ESS2: variants seen among roughly 807,000 people sequenced by gnomAD.
The protein encoded by ESS2 is splicing factor ESS-2 homolog.
Under a neutral mutation model 52.0 loss-of-function variants are expected in ESS2, and 31 were observed. That is an observed-to-expected ratio of 0.60 (90% confidence interval 0.45 to 0.81). The LOEUF (loss-of-function observed/expected upper bound fraction) is 0.81, where lower values mean the gene tolerates loss of function less well. ESS2 is among the 30% of genes least tolerant of loss of function. The pLI is 0.00. For synonymous variants in ESS2, 285 were observed against 259.2 expected (o/e 1.10, Z -0.95); for missense variants, 602 against 637.2 (o/e 0.94, Z 0.59).
At position 19,134,064 on chromosome 22, in the gene ESS2, T is replaced by G. The variant is rs1485758142; in HGVS notation, c.*132A>C. 8.8e-7 allele frequency: 1 copy of G among 1,135,774 alleles called. No individual in the cohort carries two copies. Among genetic ancestry groups the G allele is most frequent in the Non-Finnish European group, 1.1e-6 (1 of 874,912 alleles). 70.4% of individuals were successfully genotyped at this position (1,135,774 alleles called of 1,614,324 possible). A position where few individuals can be genotyped will look rare whatever the true frequency, so the allele number is the denominator to read the frequency against. On this transcript the variant is annotated 3_prime_UTR_variant, in exon 10 of 10. Transcript: ENST00000252137. ...GTCTGGCCCCAGCACAGCCCCTTTC[T>G]CCAGTGACTCCTGGTATGGTCAACA...
At chr22:19,142,439 T>C (rs1271496181) in intron 3 of ESS2, 99 bp downstream of exon 3, 1 of 1,064,690 alleles carries the variant, frequency 9.4e-7, no homozygotes, top group East Asian at 2.5e-5. Context: ...AGGAACAAGA[T>C]GTGGCCTGCA....
Position 19,131,357 on chromosome 22 carries a change from C to CG in ESS2, c.*2838dup, listed in dbSNP as rs750547740. 2.6e-6 allele frequency: 4 copies of CG among 1,514,068 alleles called. No homozygotes were observed. The highest frequency in any genetic ancestry group is 2.3e-5 in the East Asian group (1 of 44,274). The allele number at this position is 1,514,068 out of a possible 1,614,324, so 93.8% of individuals were successfully genotyped here. A position where few individuals can be genotyped will look rare whatever the true frequency, so the allele number is the denominator to read the frequency against. The stretch of plus-strand genomic sequence containing the variant: ...GGACAATGCCTGCTGGCCCACATGA[C>CG]GGGGGGATGTAGACGGCAGCGGCGC... On this transcript the variant is annotated 3_prime_UTR_variant, in exon 10 of 10. Coordinates refer to ENST00000252137, the MANE Select transcript of ESS2 (RefSeq NM_022719.3). The surrounding 1 kb of genome is among the most constrained non-coding windows in gnomAD (Gnocchi z 5.7).
Position 19,138,214 on chromosome 22 carries a change from C to T in ESS2, c.925+1G>A. On this transcript the variant is annotated splice_donor_variant, in intron 7 of 9. Coordinates refer to ENST00000252137, the MANE Select transcript of ESS2 (RefSeq NM_022719.3). LOFTEE classifies it high-confidence loss of function. The stretch of plus-strand genomic sequence containing the variant: ...CACTTGCCAGTGGGCACTTTTCTCA[C>T]CAGGGGCAGGGGAAGGAGTGGCAAC... 1 of 1,614,012 alleles carries T rather than the reference C, an allele frequency of 6.2e-7. No homozygotes were observed. The highest frequency in any genetic ancestry group is 8.5e-7 in the Non-Finnish European group (1 of 1,179,978).
chr22:19,141,160 GC>G (rs1478579577), intron 3 of ESS2, among the ~76,000 whole-genome samples: 1 of 150,974 alleles, frequency 6.6e-6, no homozygotes, highest in Admixed American at 6.6e-5. Flanking sequence ...TCTACAAATT[GC>G]CCTGTGATGC....
In ESS2 at chr22:19,143,951, C is replaced by G. The variant is rs528295837; in HGVS notation, c.135+555G>C. On this transcript the variant is annotated intron_variant, in intron 1 of 9. Transcript: ENST00000252137. ...TCCCAAGTCTGCACCTCCAGCCAGA[C>G]CTTGCTCCCGAGCTGCATATCTGGG... The G allele has an allele frequency of 5.3e-6, 4 of 755,280 alleles. No homozygotes were observed. The East Asian group carries it at 3.9e-4, about 73-fold the overall frequency. The allele number at this position is 755,280 out of a possible 1,614,324, so 46.8% of individuals were successfully genotyped here.
At chr22:19,139,561 A>ACCTC in intron 5 of ESS2, 51 bp downstream of exon 5, 1 of 1,545,688 alleles carries the variant, frequency 6.5e-7, no homozygotes, top group Non-Finnish European at 8.9e-7. Context: ...AGCCAGACAC[A>ACCTC]CACAGCTCTA....
At position 19,144,541 on chromosome 22, in the gene ESS2, T is replaced by G; in HGVS notation, c.100A>C (p.Lys34Gln). 2 of 1,609,514 alleles carry G rather than the reference T, an allele frequency of 1.2e-6. No individual in the cohort carries two copies. Among genetic ancestry groups the G allele is most frequent in the South Asian group, 2.2e-5 (2 of 90,998 alleles). The change falls in exon 1 of 10, where the codon AAG (lysine) becomes CAG (glutamine). Residue 34 changes from lysine (K) to glutamine (Q), a missense_variant. By Grantham distance (53) the Lys-to-Gln change is moderately conservative. Coordinates refer to ENST00000252137, the MANE Select transcript of ESS2 (RefSeq NM_022719.3). ...EAGEAGAATSKQRVLDEEEYI... is the reference protein window; with the variant it reads ...EAGEAGAATSQQRVLDEEEYI... ...TCTTCCTCGTCCAGGACCCGCTGCT[T>G]GCTCGTCGCAGCCCCAGCCTCTCCC...
At chr22:19,142,366 A>T (rs1303095511) in intron 3 of ESS2, among the ~76,000 whole-genome samples, 172 bp downstream of exon 3, 6 of 152,220 alleles carry the variant, frequency 3.9e-5, no homozygotes, top group African/African-American at 1.4e-4. Context: ...CTGGACCCAG[A>T]TGTTCTACCA....
At chr22:19,136,622 C>T (rs969072932) in intron 8 of ESS2, among the ~76,000 whole-genome samples, 6 of 152,164 alleles carry the variant, frequency 3.9e-5, no homozygotes, top group Admixed American at 1.3e-4. Context: ...GAAGCAGTGG[C>T]AGGCATACCT....
rs1279235557 is a variant in ESS2 at position 19,142,727 on chromosome 22, G to A, written c.303C>T (p.Pro101=). ...LGKMSREPPP[P]YVTPATFETP... ...CCGCCACCCACAGGGTCCTCATACAGGGTGGCGGGGGCTCCCGGGACATCT... is the reference window on the plus strand; with the variant it reads ...CCGCCACCCACAGGGTCCTCATACAAGGTGGCGGGGGCTCCCGGGACATCT... The change falls in exon 2 of 10, where the codon CCC becomes CCT. Residue 101 remains proline (P), a splice_region_variant and synonymous_variant. Coordinates refer to ENST00000252137, the MANE Select transcript of ESS2 (RefSeq NM_022719.3). The A allele has an allele frequency of 1.9e-6, 3 of 1,613,670 alleles. No homozygotes were observed. Among genetic ancestry groups the A allele is most frequent in the Non-Finnish European group, 2.5e-6 (3 of 1,179,752 alleles).
chr22:19,131,642 C>T lies in ESS2; in HGVS notation c.*2554G>A. 6.2e-7 allele frequency: 1 copy of T among 1,614,090 alleles called. No homozygotes were observed. Among genetic ancestry groups the T allele is most frequent in the Non-Finnish European group, 8.5e-7 (1 of 1,180,038 alleles). ...TCAAGACTTACGAGATCTTTGAGAC[C>T]TCTGACGGACGGATCTACATCATCA... On this transcript the variant is annotated 3_prime_UTR_variant, in exon 10 of 10. Coordinates refer to ENST00000252137, the MANE Select transcript of ESS2 (RefSeq NM_022719.3). This position sits in a 1 kb window ranked among gnomAD's most constrained non-coding sequence, Gnocchi z 5.7.
At chr22:19,144,188 C>G in intron 1 of ESS2, 3 of 1,120,738 alleles carry the variant, frequency 2.7e-6, no homozygotes. Flanking sequence ...GCTGCCACCG[C>G]TCTTTAGAAA....
chr22:19,142,933 G>A (rs1184416548), intron 1 of ESS2, 39 bp from the exon 2 acceptor site: 14 of 1,586,038 alleles, frequency 8.8e-6, no homozygotes, highest in African/African-American at 5.4e-5. Context: ...GAGGCCAGGC[G>A]CGGTGGCTCA....
At position 19,139,141 on chromosome 22, in the gene ESS2, G is replaced by C; in HGVS notation, c.822+18C>G. On this transcript the variant is annotated intron_variant, in intron 6 of 9. Transcript: ENST00000252137. ...TGTCCAACCTGGCCCATGCGGCCCT[G>C]CTGACCCGCCTGCTCACCTGGGCAT... 6.4e-7 allele frequency: 1 copy of C among 1,572,586 alleles called. No individual in the cohort carries two copies. Among genetic ancestry groups the C allele is most frequent in the Non-Finnish European group, 8.6e-7 (1 of 1,159,716 alleles).
chr22:19,135,246 G>T, intron 8 of ESS2, 71 bp from the exon 9 acceptor site: 2 of 1,289,424 alleles, frequency 1.6e-6, no homozygotes, highest in South Asian at 1.3e-5. Context: ...CACACAGAAA[G>T]CCACTGTGGT....
intron 5 of ESS2, 95 bp downstream of exon 5, chr22:19,139,517 C>T (rs564863946): frequency 4.3e-5 from 57 of 1,324,852 alleles, no homozygotes; most frequent in African/African-American, 2.4e-4. Context: ...CAAGGGGGCA[C>T]GGCCATACAC....
Position 19,132,116 on chromosome 22 carries a change from G to C in ESS2, c.*2080C>G, listed in dbSNP as rs562456158. 9 of 1,612,714 alleles carry C rather than the reference G, an allele frequency of 5.6e-6. No homozygotes were observed. The highest frequency in any genetic ancestry group is 7.6e-6 in the Non-Finnish European group (9 of 1,178,960). ...ACCGTGTGGACTTCCCGCGCTCCAA[G>C]AACCTGACCTGCGAGTGCAAGGACC... On this transcript the variant is annotated 3_prime_UTR_variant, in exon 10 of 10. Transcript: ENST00000252137. The surrounding 1 kb of genome is among the most constrained non-coding windows in gnomAD (Gnocchi z 4.2).
rs1036775298 is a variant in ESS2, at chr22:19,131,312, G to A, written c.*2884C>T. 15 of 1,220,246 alleles carry A rather than the reference G, an allele frequency of 1.2e-5. No homozygotes were observed. Among genetic ancestry groups the A allele is most frequent in the Admixed American group, 9.0e-5 (4 of 44,566 alleles). The allele number at this position is 1,220,246 out of a possible 1,614,324, so 75.6% of individuals were successfully genotyped here. A position where few individuals can be genotyped will look rare whatever the true frequency, so the allele number is the denominator to read the frequency against. ...CCAGCCCAGGGCAGCCCAGCCAGAC[G>A]CCTCCGGTAGTGTAAATGAGGACAA... On this transcript the variant is annotated 3_prime_UTR_variant, in exon 10 of 10. Coordinates refer to ENST00000252137, the MANE Select transcript of ESS2 (RefSeq NM_022719.3). This position sits in a 1 kb window ranked among gnomAD's most constrained non-coding sequence, Gnocchi z 5.7.
intron 3 of ESS2, among the ~76,000 whole-genome samples, chr22:19,140,900 T>C (rs562957650): frequency 1.3e-5 from 2 of 152,344 alleles, no homozygotes; most frequent in South Asian, 4.1e-4. Flanking sequence ...CTCAGTTTCC[T>C]CACCTGTAAA....
Sources: gnomAD v4.1 joint callset for allele counts (sites outside exome capture counted in the v4.1 genomes callset) on GRCh38, gnomAD v4.1.1 for gene constraint, Gnocchi (gnomAD v3.1) non-coding constraint, MANE v1.5 for transcripts, NCBI Gene and HGNC (gene_info 2026-07-23, HGNC 2026-07-21) for gene names.